GRXCR1: variants seen among roughly 807,000 people sequenced by gnomAD.
The protein encoded by GRXCR1 is glutaredoxin and cysteine rich domain containing 1.
A neutral mutation model predicts 27.3 loss-of-function variants in GRXCR1; 27 were observed. The observed-to-expected ratio is 0.99, with a 90% CI of 0.73 to 1.37. GRXCR1 has a LOEUF of 1.37. Among genes scored for constraint, GRXCR1 ranks in the 40% most tolerant of loss-of-function variants. The pLI is 0.00. For synonymous variants in GRXCR1, 122 were observed against 131.1 expected, an observed-to-expected ratio of 0.93 and a Z score of 0.47; for missense variants, 379 against 354.4, an observed-to-expected ratio of 1.07 and a Z score of -0.56.
At chr4:43,028,611 C>A (rs1044987511) in intron 3 of GRXCR1, among the ~76,000 whole-genome samples, 1 of 152,170 alleles carries the variant, frequency 6.6e-6, no homozygotes, top group Admixed American at 6.5e-5. Context: ...ACATTATATT[C>A]TTTCTAGTAT....
At chr4:42,923,290 GT>G (rs1747065001) in intron 1 of GRXCR1, among the ~76,000 whole-genome samples, 1 of 152,116 alleles carries the variant, frequency 6.6e-6, no homozygotes, top group South Asian at 2.1e-4. Context: ...AACTGAGCTT[GT>G]TTGTTTGTTT....
At chr4:42,917,002 T>C (rs936042283) in intron 1 of GRXCR1, among the ~76,000 whole-genome samples, 3 of 152,126 alleles carry the variant, frequency 2.0e-5, no homozygotes, top group Non-Finnish European at 4.4e-5. Flanking sequence ...ACTATTATTT[T>C]GCCATAAAAA....
At chr4:43,003,809 T>C (rs917533817) in intron 2 of GRXCR1, among the ~76,000 whole-genome samples, 7 of 152,182 alleles carry the variant, frequency 4.6e-5, no homozygotes, top group Non-Finnish European at 8.8e-5. Context: ...AATTGGACCT[T>C]ATGTTTAAAG....
chr4:42,909,718 T>C (rs1392507680), intron 1 of GRXCR1, among the ~76,000 whole-genome samples: 1 of 152,170 alleles, frequency 6.6e-6, no homozygotes, highest in Non-Finnish European at 1.5e-5. Flanking sequence ...TGCCCTCAGC[T>C]AATCTGTTCA....
intron 2 of GRXCR1, among the ~76,000 whole-genome samples, chr4:43,011,857 A>C (rs1363695795): frequency 6.6e-6 from 1 of 152,164 alleles, no homozygotes; most frequent in African/African-American, 2.4e-5. Flanking sequence ...TTTTACTAAG[A>C]TAGTAGCATG....
chr4:42,932,736 T>A (rs1369891760), intron 1 of GRXCR1, among the ~76,000 whole-genome samples: 5 of 149,486 alleles, frequency 3.3e-5, no homozygotes, highest in Non-Finnish European at 7.4e-5. Flanking sequence ...CCAGAGAGTT[T>A]ACAGGTTATT....
chr4:43,029,831 A>G (rs1467658380), intron 3 of GRXCR1, among the ~76,000 whole-genome samples: 1 of 152,198 alleles, frequency 6.6e-6, no homozygotes, highest in Non-Finnish European at 1.5e-5. Flanking sequence ...ACAAAAATGC[A>G]TTTCAAAGTG....
intron 1 of GRXCR1, among the ~76,000 whole-genome samples, chr4:42,946,723 T>C (rs1161108024): frequency 6.6e-6 from 1 of 152,090 alleles, no homozygotes; most frequent in East Asian, 1.9e-4. Flanking sequence ...ACTAATCCCA[T>C]TCATGAGTTT....
At chr4:42,938,027 C>A (rs1056671009) in intron 1 of GRXCR1, among the ~76,000 whole-genome samples, 3 of 151,936 alleles carry the variant, frequency 2.0e-5, no homozygotes, top group African/African-American at 7.2e-5. Context: ...TTCGTTGCAT[C>A]TAACTATATT....
chr4:42,956,967 A>G (rs1254516743), intron 1 of GRXCR1, among the ~76,000 whole-genome samples: 1 of 152,086 alleles, frequency 6.6e-6, no homozygotes, highest in African/African-American at 2.4e-5. Context: ...ATAAAATACA[A>G]CATGGTATCA....
intron 2 of GRXCR1, among the ~76,000 whole-genome samples, chr4:42,998,434 C>T (rs1220565391): frequency 6.6e-6 from 1 of 152,140 alleles, no homozygotes; most frequent in Non-Finnish European, 1.5e-5. Context: ...ATACTACCTC[C>T]ACACATCTGG....
intron 2 of GRXCR1, among the ~76,000 whole-genome samples, chr4:42,994,308 A>G (rs1228390957): frequency 6.6e-6 from 1 of 152,178 alleles, no homozygotes; most frequent in African/African-American, 2.4e-5. Flanking sequence ...ATTATGAAGT[A>G]TTGATAAATG....
chr4:42,922,163 T>C (rs1421704613), intron 1 of GRXCR1, among the ~76,000 whole-genome samples: 1 of 152,156 alleles, frequency 6.6e-6, no homozygotes, highest in Non-Finnish European at 1.5e-5. Context: ...ATATTTATAA[T>C]GATTTGCACA....
chr4:42,954,570 C>T (rs1367092397), intron 1 of GRXCR1, among the ~76,000 whole-genome samples: 1 of 152,086 alleles, frequency 6.6e-6, no homozygotes, highest in African/African-American at 2.4e-5. Flanking sequence ...ATCTTTACCA[C>T]TATGATAAAT....
intron 2 of GRXCR1, among the ~76,000 whole-genome samples, chr4:42,990,273 G>A (rs1278881534): frequency 8.0e-6 from 1 of 125,330 alleles, no homozygotes; most frequent in Non-Finnish European, 1.6e-5. Context: ...CTCACTGCAA[G>A]CCCCGCCTCC....
chr4:42,903,287 A>T (rs1458055213), intron 1 of GRXCR1, among the ~76,000 whole-genome samples: 1 of 145,442 alleles, frequency 6.9e-6, no homozygotes, highest in East Asian at 2.4e-4. Flanking sequence ...CAAATAAAAA[A>T]TTTGGGCCAC....
chr4:42,982,121 T>G (rs553867876), intron 2 of GRXCR1, among the ~76,000 whole-genome samples: 1 of 152,024 alleles, frequency 6.6e-6, no homozygotes, highest in African/African-American at 2.4e-5. Context: ...TAGTTACATA[T>G]GTATACATGT....
intron 1 of GRXCR1, among the ~76,000 whole-genome samples, chr4:42,906,520 G>A (rs1248801783): frequency 2.0e-5 from 3 of 152,116 alleles, no homozygotes; most frequent in Non-Finnish European, 4.4e-5. Flanking sequence ...CACAGTTAGT[G>A]AGCTGGAACT....
intron 1 of GRXCR1, among the ~76,000 whole-genome samples, chr4:42,958,640 G>A (rs941710284): frequency 1.6e-4 from 25 of 151,908 alleles, no homozygotes; most frequent in Non-Finnish European, 5.9e-5. Flanking sequence ...ATTGATCAGA[G>A]GAAAATATTC....
Sources: gnomAD v4.1 joint callset for allele counts (sites outside exome capture counted in the v4.1 genomes callset) on GRCh38, gnomAD v4.1.1 for gene constraint, MANE v1.5 for transcripts, NCBI Gene and HGNC (gene_info 2026-07-23, HGNC 2026-07-21) for gene names.